The following KMT2C variants were observed in gnomAD, a reference collection of about 807,000 sequenced individuals.
KMT2C encodes lysine methyltransferase 2C, also known as histone-lysine N-methyltransferase 2C.
A neutral mutation model predicts 507.9 loss-of-function variants in KMT2C; 88 were observed. The observed-to-expected ratio is 0.17, with a 90% CI of 0.15 to 0.21. KMT2C has a LOEUF of 0.21. Ranked by LOEUF, KMT2C falls within the 10% of genes least tolerant of loss-of-function variation. The pLI is 1.00. For missense variants in KMT2C, 4,954 were observed against 5,957.8 expected (o/e 0.83, Z 5.55); for synonymous variants, 2,049 against 2,080.8 (o/e 0.98, Z 0.42).
chr7:152,303,402 AAG>A (rs1270786411), intron 6 of KMT2C, among the ~76,000 whole-genome samples: 2 of 152,210 alleles, frequency 1.3e-5, no homozygotes, highest in Non-Finnish European at 2.9e-5. Context: ...GCCTCTACCC[AAG>A]AGGCCAGCCA....
At chr7:152,428,458 CAAAAAAAAAA>C (rs140697569) in intron 1 of KMT2C, among the ~76,000 whole-genome samples, 2 of 73,516 alleles carry the variant, frequency 2.7e-5, no homozygotes, top group South Asian at 1.2e-3. Context: ...ACTAAAAATA[CAAAAAAAAAA>C]AAAAAAAAAA....
intron 1 of KMT2C, among the ~76,000 whole-genome samples, chr7:152,395,936 T>C (rs1216809742): frequency 6.6e-6 from 1 of 152,222 alleles, no homozygotes; most frequent in Non-Finnish European, 1.5e-5. Flanking sequence ...ATAAAGTGCT[T>C]CCTCTTGTGC....
At chr7:152,367,488 G>A (rs909553346) in intron 1 of KMT2C, 2 of 874,078 alleles carry the variant, frequency 2.3e-6, no homozygotes, top group African/African-American at 3.3e-5. Flanking sequence ...AAAGTTCTGG[G>A]ATTACAGGTG....
At chr7:152,230,450 T>C (rs1046248193) in intron 16 of KMT2C, 129 bp from the exon 17 acceptor site, 12 of 481,374 alleles carry the variant, frequency 2.5e-5, no homozygotes, top group Middle Eastern at 5.5e-4. Flanking sequence ...CAATTCCAAA[T>C]ATTAATGCTA....
chr7:152,249,873 TA>T lies in KMT2C; in HGVS notation c.1813+2del. 1 of 1,532,194 alleles carries T rather than the reference TA, an allele frequency of 6.5e-7. No homozygotes were observed. Among genetic ancestry groups the T allele is most frequent in the Non-Finnish European group, 9.0e-7 (1 of 1,105,994 alleles). 94.9% of individuals were successfully genotyped at this position (1,532,194 alleles called of 1,614,324 possible). On this transcript the variant is annotated splice_donor_variant, in intron 13 of 58. Transcript: ENST00000262189. LOFTEE classifies it high-confidence loss of function. ...AATTAGACAATATGAACATACTGCT[TA>T]CCAGCAATAAGAAGACTATCTGTGT...
intron 1 of KMT2C, among the ~76,000 whole-genome samples, chr7:152,416,964 C>A (rs1385882690): frequency 6.7e-6 from 1 of 148,912 alleles, no homozygotes; most frequent in Non-Finnish European, 1.5e-5. Flanking sequence ...CATGAGAATC[C>A]CTTGAACCTG....
chr7:152,152,194 A>T (rs981965287), intron 49 of KMT2C, among the ~76,000 whole-genome samples: 9 of 152,246 alleles, frequency 5.9e-5, no homozygotes, highest in African/African-American at 2.2e-4. Flanking sequence ...GGAAAGCGAC[A>T]TCATGGTCGG....
intron 1 of KMT2C, among the ~76,000 whole-genome samples, chr7:152,373,153 A>AG (rs1379820692): frequency 1.3e-5 from 2 of 152,180 alleles, no homozygotes; most frequent in African/African-American, 4.8e-5. Flanking sequence ...CAACAAATGC[A>AG]GAAAAAAAAC....
intron 6 of KMT2C, among the ~76,000 whole-genome samples, chr7:152,292,038 A>G (rs113372496): frequency 6.6e-6 from 1 of 150,586 alleles, no homozygotes; most frequent in Non-Finnish European, 1.5e-5. Flanking sequence ...TTAATTTACT[A>G]TTTTTTTTTC....
intron 3 of KMT2C, among the ~76,000 whole-genome samples, chr7:152,319,325 C>G (rs2096750276): frequency 6.6e-6 from 1 of 152,078 alleles, no homozygotes; most frequent in Admixed American, 6.6e-5. Flanking sequence ...TTATAATAAT[C>G]CTCACTCTAC....
chr7:152,215,575 A>G (rs1163198155), intron 23 of KMT2C, among the ~76,000 whole-genome samples: 1 of 150,548 alleles, frequency 6.6e-6, no homozygotes, highest in East Asian at 1.9e-4. Flanking sequence ...TCAACAGGGG[A>G]AAGAACAGGT....
intron 1 of KMT2C, among the ~76,000 whole-genome samples, chr7:152,388,750 CT>C (rs35457701): frequency 2.1e-3 from 312 of 148,006 alleles, no homozygotes; most frequent in Non-Finnish European, 3.1e-3. Flanking sequence ...ACTACTTAGA[CT>C]TTTTTTTTTT....
At chr7:152,320,421 G>A (rs1368608544) in intron 3 of KMT2C, among the ~76,000 whole-genome samples, 1 of 152,100 alleles carries the variant, frequency 6.6e-6, no homozygotes, top group Non-Finnish European at 1.5e-5. Context: ...GCTAATTTTT[G>A]TATTTTTAGT....
intron 3 of KMT2C, among the ~76,000 whole-genome samples, chr7:152,329,402 C>CA (rs936515346): frequency 1.6e-4 from 24 of 148,698 alleles, no homozygotes; most frequent in African/African-American, 4.2e-4. Flanking sequence ...CAGTCTCTAC[C>CA]AAAAAAAAAG....
chr7:152,268,377 T>A (rs1055229582), intron 7 of KMT2C, among the ~76,000 whole-genome samples: 13 of 152,192 alleles, frequency 8.5e-5, no homozygotes, highest in Non-Finnish European at 1.8e-4. Context: ...TACAAGAAAC[T>A]TCTGTTACAT....
intron 1 of KMT2C, among the ~76,000 whole-genome samples, chr7:152,411,295 C>T (rs74221602): frequency 1.3e-3 from 175 of 139,046 alleles, no homozygotes; most frequent in Non-Finnish European, 1.6e-3. Context: ...AGACTTTCAG[C>T]TTCATCCCAT....
Position 152,222,002 on chromosome 7 carries a change from T to C in KMT2C, c.3498A>G (p.Leu1166=). Residue 1166 remains leucine, a splice_region_variant and synonymous_variant, in exon 22 of 59, where the codon CTA becomes CTG. Transcript: ENST00000262189. Reference sequence around the variant, plus strand: ...CAAGTAAAGCATTTCAAATTTTACCTAGCTCTTTTACTTTTGTGACAATTT... The same window carrying C: ...CAAGTAAAGCATTTCAAATTTTACCCAGCTCTTTTACTTTTGTGACAATTT... ...VAQIVTKVKE[L]DPPKTYTQDG... 1 of 1,601,528 alleles carries C rather than the reference T, an allele frequency of 6.2e-7. No homozygotes were observed. The highest frequency in any genetic ancestry group is 8.5e-7 in the Non-Finnish European group (1 of 1,173,706).
chr7:152,337,890 T>C (rs148799235), intron 2 of KMT2C, among the ~76,000 whole-genome samples: 1,946 of 151,234 alleles, frequency 0.013, 38 homozygotes, highest in African/African-American at 0.044. Flanking sequence ...AGAGTCTCGC[T>C]CTGCCGCCCA....
rs2093226206 is a variant in KMT2C, at chr7:152,176,693, A to G, written c.8760T>C (p.Ser2920=). The change falls in exon 38 of 59, where the codon AGT becomes AGC. Residue 2920 remains serine (S), a synonymous_variant. Coordinates refer to ENST00000262189, the MANE Select transcript of KMT2C (RefSeq NM_170606.3). Reference sequence around the variant, plus strand: ...TATCAGATTTCTCATTAGCAAGTAAACTTGAGAGAACTGGAGTTGATCCAG... The same window carrying G: ...TATCAGATTTCTCATTAGCAAGTAAGCTTGAGAGAACTGGAGTTGATCCAG... ...GITGSTPVLS[S]LLANEKSDNS... 1 of 1,614,054 alleles carries G rather than the reference A, an allele frequency of 6.2e-7. No individual in the cohort carries two copies. The highest frequency in any genetic ancestry group is 8.5e-7 in the Non-Finnish European group (1 of 1,180,046).
Sources: allele counts gnomAD v4.1 joint callset (sites outside exome capture counted in the v4.1 genomes callset), GRCh38; gene constraint gnomAD v4.1.1; transcripts MANE v1.5; gene names NCBI Gene and HGNC (gene_info 2026-07-23, HGNC 2026-07-21).